SHROOM2: variants seen among roughly 807,000 people sequenced by gnomAD.
SHROOM2 encodes the protein shroom family member 2.
A neutral mutation model predicts 75.9 loss-of-function variants in SHROOM2; 33 were observed. The observed-to-expected ratio is 0.43, with a 90% CI of 0.33 to 0.58. The LOEUF (loss-of-function observed/expected upper bound fraction) is 0.58, where lower values mean the gene tolerates loss of function less well. SHROOM2 is among the 20% of genes least tolerant of loss of function. The pLI is 0.04. For missense variants in SHROOM2, 1,434 were observed against 1,461.2 expected, an observed-to-expected ratio of 0.98 and a Z score of 0.30; for synonymous variants, 655 against 663.6, an observed-to-expected ratio of 0.99 and a Z score of 0.20.
intron 1 of SHROOM2, among the ~76,000 whole-genome samples, chrX:9,824,678 C>T (rs1464665010): frequency 1.8e-5 from 2 of 111,433 alleles, no homozygotes; most frequent in East Asian, 2.8e-4. Context: ...GCTGGAGGGG[C>T]GTTCTGGGTA....
At chrX:9,868,016 G>A (rs1490494845) in intron 1 of SHROOM2, among the ~76,000 whole-genome samples, 1 of 109,730 alleles carries the variant, frequency 9.1e-6, no homozygotes, top group Non-Finnish European at 1.9e-5. Context: ...GTGGGAATGA[G>A]ACACATTCCC....
chrX:9,801,446 C>T (rs1436955719), intron 1 of SHROOM2, among the ~76,000 whole-genome samples: 1 of 111,927 alleles, frequency 8.9e-6, no homozygotes, highest in Non-Finnish European at 1.9e-5. Context: ...TCCTTCAGTC[C>T]TGCATTGTCT....
At chrX:9,829,870 G>A (rs1408914902) in intron 1 of SHROOM2, among the ~76,000 whole-genome samples, 1 of 111,841 alleles carries the variant, frequency 8.9e-6, no homozygotes, top group African/African-American at 3.3e-5. Context: ...GAAAACCAAG[G>A]GCTCAGATCT....
chrX:9,793,258 T>C (rs2083677193), intron 1 of SHROOM2, among the ~76,000 whole-genome samples: 1 of 111,200 alleles, frequency 9.0e-6, no homozygotes, highest in South Asian at 3.8e-4. Context: ...TAGCTTGTTC[T>C]TCCCAATGTA....
intron 1 of SHROOM2, among the ~76,000 whole-genome samples, chrX:9,808,395 AAATT>A (rs1435862367): frequency 9.3e-6 from 1 of 107,688 alleles, no homozygotes; most frequent in African/African-American, 3.4e-5. Context: ...AAAAAAAAAA[AAATT>A]AGCCAGGTGT....
intron 5 of SHROOM2, among the ~76,000 whole-genome samples, chrX:9,922,247 C>G (rs1368396406): frequency 9.0e-6 from 1 of 110,902 alleles, no homozygotes; most frequent in Non-Finnish European, 1.9e-5. Context: ...TCTTTCGGTA[C>G]CAGATCTTGC....
At chrX:9,893,628 G>A (rs1303378837) in intron 3 of SHROOM2, among the ~76,000 whole-genome samples, 1 of 111,635 alleles carries the variant, frequency 9.0e-6, no homozygotes, top group Non-Finnish European at 1.9e-5. Context: ...AGGAGAAATA[G>A]TATGCCTCTT....
In SHROOM2 at chrX:9,937,754, G is replaced by A. The variant is rs1019036244; in HGVS notation, c.4139+69G>A. On this transcript the variant is annotated intron_variant, in intron 7 of 9. Coordinates refer to ENST00000380913, the MANE Select transcript of SHROOM2 (RefSeq NM_001649.4). ...CATCTCTTAGGCTTGTAAAGGGAAG[G>A]GGGTCTGCCTCTCTGTTTTCATGCG... is the stretch of plus-strand genomic sequence containing the variant. 4 of 924,149 alleles carry A rather than the reference G, an allele frequency of 4.3e-6. No individual in the cohort carries two copies. In the African/African-American group the frequency reaches 6.0e-5, roughly 14 times the overall value. 76.2% of individuals were successfully genotyped at this position (924,149 alleles called of 1,213,427 possible).
chrX:9,787,989 C>CTTTTTTTTTTTT (rs2083624996), intron 1 of SHROOM2, among the ~76,000 whole-genome samples: 1 of 76,162 alleles, frequency 1.3e-5, no homozygotes, highest in African/African-American at 5.9e-5. Flanking sequence ...TTCTTTCTTT[C>CTTTTTTTTTTTT]TTCTTTTTTT....
intron 5 of SHROOM2, chrX:9,912,859 C>G (rs2084442939): frequency 1.8e-5 from 2 of 112,498 alleles, no homozygotes; most frequent in African/African-American, 6.5e-5. Context: ...TCGAGCTCCA[C>G]AGGCGTGCAC....
At chrX:9,890,614 C>A (rs9699257) in intron 2 of SHROOM2, among the ~76,000 whole-genome samples, 1 of 113,086 alleles carries the variant, frequency 8.8e-6, no homozygotes, top group Non-Finnish European at 1.9e-5. Context: ...CTGTTTGGCT[C>A]GAGCGCGCAC....
In SHROOM2 at chrX:9,896,249, C is replaced by A. The variant is rs750573801; in HGVS notation, c.2341C>A (p.His781Asn). 8.2e-7 allele frequency: 1 copy of A among 1,212,198 alleles called. No homozygotes were observed. Among genetic ancestry groups the A allele is most frequent in the Admixed American group, 2.2e-5 (1 of 46,172 alleles). Reference sequence around the variant, plus strand: ...GGGCCTCACGAGGGGCTACAGTCCTCACCAGCACCCCAGGACATCTGAGGA... The same window carrying A: ...GGGCCTCACGAGGGGCTACAGTCCTAACCAGCACCCCAGGACATCTGAGGA... The part of the protein sequence containing the change: ...EVGLTRGYSP[H>N]QHPRTSEDTV... Residue 781 changes from histidine to asparagine, a missense_variant, in exon 4 of 10, where the codon CAC becomes AAC. By Grantham distance (68) the His-to-Asn change is moderately conservative (BLOSUM62 1). Around this residue, in one of 3 missense-constraint regions of SHROOM2, gnomAD observed 1,340 missense variants for 1,338.3 expected, o/e 1.00. Transcript: ENST00000380913.
intron 1 of SHROOM2, among the ~76,000 whole-genome samples, chrX:9,868,727 CTTTTTTTTTTTTTTTTT>C (rs56343437): frequency 3.5e-5 from 1 of 28,707 alleles, no homozygotes; most frequent in Admixed American, 7.3e-4. Flanking sequence ...ATTTTTTACC[CTTTTTTTTTTTTTTTTT>C]TTTTTTTTTT....
At chrX:9,890,303 G>T (rs748819666) in intron 2 of SHROOM2, among the ~76,000 whole-genome samples, 67 of 112,762 alleles carry the variant, frequency 5.9e-4, no homozygotes, top group African/African-American at 2.0e-3. Context: ...GGAGGCCCAG[G>T]TTGCAGTGAG....
chrX:9,830,470 T>TG (rs2083909518), intron 1 of SHROOM2, among the ~76,000 whole-genome samples: 1 of 110,113 alleles, frequency 9.1e-6, no homozygotes, highest in African/African-American at 3.3e-5. Flanking sequence ...ATTTCCGACA[T>TG]AGAGCTTGAT....
chrX:9,922,756 C>T (rs940858631), intron 5 of SHROOM2, among the ~76,000 whole-genome samples: 1 of 110,479 alleles, frequency 9.1e-6, no homozygotes, highest in Admixed American at 9.7e-5. Context: ...CTGGCTGGGT[C>T]GCAGGGCAGG....
At chrX:9,905,767 T>C (rs908949956) in intron 5 of SHROOM2, among the ~76,000 whole-genome samples, 1 of 112,462 alleles carries the variant, frequency 8.9e-6, no homozygotes, top group Non-Finnish European at 1.9e-5. Context: ...GGGAGTCTCA[T>C]TGACCACAGT....
intron 3 of SHROOM2, among the ~76,000 whole-genome samples, chrX:9,892,791 C>T (rs926685065): frequency 4.5e-5 from 5 of 112,347 alleles, no homozygotes; most frequent in African/African-American, 6.5e-5. Flanking sequence ...CCTGGTCACA[C>T]GGTTCTCTCA....
At chrX:9,832,324 C>T (rs904375143) in intron 1 of SHROOM2, among the ~76,000 whole-genome samples, 17 of 111,196 alleles carry the variant, frequency 1.5e-4, no homozygotes, top group African/African-American at 4.9e-4. Flanking sequence ...CTCTCTAGCC[C>T]GCCGAGCCCC....
Sources: gnomAD v4.1 joint callset for allele counts (sites outside exome capture counted in the v4.1 genomes callset) on GRCh38, gnomAD v4.1.1 for gene constraint, gnomAD v4.1.1 regional missense constraint, MANE v1.5 for transcripts, NCBI Gene and HGNC (gene_info 2026-07-23, HGNC 2026-07-21) for gene names.